MEGF10: variants seen among roughly 807,000 people sequenced by gnomAD.
MEGF10 encodes the protein multiple EGF like domains 10, also known as multiple epidermal growth factor-like domains protein 10.
A neutral mutation model predicts 147.5 loss-of-function variants in MEGF10; 86 were observed. That is an observed-to-expected ratio of 0.58 (90% CI 0.49 to 0.70). The LOEUF (loss-of-function observed/expected upper bound fraction) is 0.70, where lower values mean the gene tolerates loss of function less well. Ranked by LOEUF, MEGF10 falls within the 30% of genes least tolerant of loss-of-function variation. The pLI, the probability that MEGF10 is intolerant of heterozygous loss-of-function variation, is 0.00. For synonymous variants in MEGF10, 478 were observed against 525.5 expected (o/e 0.91, Z 1.24); for missense variants, 1,329 against 1,487.3 (o/e 0.89, Z 1.75).
At chr5:127,270,798 CTTATAAGTGAGAA>C in the MEGF10 span, among the ~76,000 whole-genome samples, 1 of 152,184 alleles carries the variant, frequency 6.6e-6, no homozygotes, top group African/African-American at 2.4e-5. Context: ...TTAGCTCCCA[CTTATAAGTGAGAA>C]CATGCGGTAT....
chr5:127,265,425 G>A, the MEGF10 span, among the ~76,000 whole-genome samples: 2 of 151,998 alleles, frequency 1.3e-5, no homozygotes, highest in Admixed American at 1.3e-4. Context: ...AATCCTTTGG[G>A]TATATACCCA....
chr5:127,234,566 G>A, the MEGF10 span, among the ~76,000 whole-genome samples: 1 of 152,112 alleles, frequency 6.6e-6, no homozygotes, highest in East Asian at 1.9e-4. Context: ...TCTCCTCTAT[G>A]CATCCACCAA....
At chr5:127,312,232 C>A (rs1760320450) in intron 1 of MEGF10, among the ~76,000 whole-genome samples, 1 of 152,096 alleles carries the variant, frequency 6.6e-6, no homozygotes. Flanking sequence ...TTAACTGGCA[C>A]CAGGAAAAAG....
chr5:127,361,048 G>A (rs1322393127), intron 4 of MEGF10, among the ~76,000 whole-genome samples: 2 of 151,824 alleles, frequency 1.3e-5, no homozygotes, highest in African/African-American at 4.8e-5. Context: ...GGTAATTTTG[G>A]CCTCACAGTT....
intron 10 of MEGF10, 59 bp from the exon 11 acceptor site, chr5:127,419,061 G>T: frequency 1.3e-6 from 2 of 1,555,566 alleles, no homozygotes; most frequent in Admixed American, 4.1e-5. Flanking sequence ...TTGTTTATTT[G>T]TGTTGGCCTT....
At chr5:127,450,178 G>C (rs1316837584) in intron 22 of MEGF10, among the ~76,000 whole-genome samples, 1 of 151,876 alleles carries the variant, frequency 6.6e-6, no homozygotes, top group Admixed American at 6.5e-5. Context: ...ACTTGAAAGA[G>C]AATTAGAGTG....
rs139884665 is a variant in MEGF10, at chr5:127,438,510, G to A, written c.2176G>A (p.Ala726Thr). 1.1e-4 allele frequency: 171 copies of A among 1,614,100 alleles called. No homozygotes were observed. The highest frequency in any genetic ancestry group is 8.5e-4 in the East Asian group (38 of 44,882). ...CTGCCATAATGGAGCTTTCTGCAGCGCCTACGATGGGGAATGTAAATGCAC... is the reference window on the plus strand; with the variant it reads ...CTGCCATAATGGAGCTTTCTGCAGCACCTACGATGGGGAATGTAAATGCAC... ...CNCHNGAFCS[A>T]YDGECKCTPG... Residue 726 changes from alanine (A) to threonine (T), a missense_variant, in exon 17 of 25, where the codon GCC (alanine) becomes ACC (threonine). Transcript: ENST00000503335.
At chr5:127,392,604 T>C (rs906740043) in intron 5 of MEGF10, among the ~76,000 whole-genome samples, 1 of 152,196 alleles carries the variant, frequency 6.6e-6, no homozygotes, top group African/African-American at 2.4e-5. Flanking sequence ...TCCTTTGAAT[T>C]CCAGTCTAGC....
chr5:127,292,838 G>A (rs370564666), intron 1 of MEGF10, among the ~76,000 whole-genome samples: 7 of 152,114 alleles, frequency 4.6e-5, no homozygotes, highest in African/African-American at 1.7e-4. Flanking sequence ...TCTATTACAT[G>A]TCAAGCACTG....
At chr5:127,396,506 T>C (rs1401823810) in intron 5 of MEGF10, 26 bp from the exon 6 acceptor site, 1 of 1,504,800 alleles carries the variant, frequency 6.6e-7, no homozygotes, top group Non-Finnish European at 8.9e-7. Context: ...CCCACTGATA[T>C]CCACTGTTTC....
chr5:127,442,153 G>A (rs1765778992), intron 18 of MEGF10, among the ~76,000 whole-genome samples: 1 of 152,162 alleles, frequency 6.6e-6, no homozygotes. Context: ...TATTAAATAA[G>A]AAAACCTCTT....
At chr5:127,427,558 A>C (rs1029936680) in intron 13 of MEGF10, among the ~76,000 whole-genome samples, 1 of 151,802 alleles carries the variant, frequency 6.6e-6, no homozygotes, top group Non-Finnish European at 1.5e-5. Flanking sequence ...GTTGATGTGA[A>C]GAGCCCACTT....
chr5:127,249,402 A>C, the MEGF10 span, among the ~76,000 whole-genome samples: 1 of 151,928 alleles, frequency 6.6e-6, no homozygotes, highest in African/African-American at 2.4e-5. Flanking sequence ...GAAATACCCA[A>C]TAGAGATAGA....
chr5:127,251,293 G>A, the MEGF10 span, among the ~76,000 whole-genome samples: 5 of 151,950 alleles, frequency 3.3e-5, no homozygotes, highest in South Asian at 8.3e-4. Context: ...TGCACATCAG[G>A]GTTTAGTATA....
At chr5:127,331,471 C>T (rs1326940974) in intron 2 of MEGF10, 47 bp downstream of exon 2, 4 of 1,023,816 alleles carry the variant, frequency 3.9e-6, no homozygotes, top group Non-Finnish European at 6.0e-6. Context: ...GAGAAGTTCC[C>T]TTATATACTG....
chr5:127,426,960 G>A (rs946723408), intron 13 of MEGF10, among the ~76,000 whole-genome samples: 1 of 152,186 alleles, frequency 6.6e-6, no homozygotes, highest in Admixed American at 6.5e-5. Context: ...CCTACTAAAT[G>A]AGAATTTGGA....
At chr5:127,247,314 GA>G in the MEGF10 span, among the ~76,000 whole-genome samples, 1 of 49,372 alleles carries the variant, frequency 2.0e-5, no homozygotes, top group African/African-American at 5.9e-5. Context: ...GCGAGAGAAA[GA>G]GAGAGAAGAA....
chr5:127,435,502 T>C lies in MEGF10; in HGVS notation c.2104+13T>C. ...GACTGCTCTCAACGTAAGTCTTGTT[T>C]GAGAACAATTAATAAACTGTTCTTA... On this transcript the variant is annotated intron_variant, in intron 16 of 24. Transcript: ENST00000503335. The C allele has an allele frequency of 6.2e-7, 1 of 1,609,780 alleles. No individual in the cohort carries two copies. The highest frequency in any genetic ancestry group is 8.5e-7 in the Non-Finnish European group (1 of 1,178,172).
intron 1 of MEGF10, among the ~76,000 whole-genome samples, chr5:127,330,190 C>A (rs1761197874): frequency 6.6e-6 from 1 of 152,192 alleles, no homozygotes; most frequent in Non-Finnish European, 1.5e-5. Context: ...AGCCACTCCA[C>A]TTCCTGCAAC....
Sources: gnomAD v4.1 joint callset for allele counts (sites outside exome capture counted in the v4.1 genomes callset) on GRCh38, gnomAD v4.1.1 for gene constraint, MANE v1.5 for transcripts, NCBI Gene and HGNC (gene_info 2026-07-23, HGNC 2026-07-21) for gene names.